SULF2: variants seen among roughly 807,000 people sequenced by gnomAD.
SULF2 encodes sulfatase 2.
A neutral mutation model predicts 107.7 loss-of-function variants in SULF2; 52 were observed. That is an observed-to-expected ratio of 0.48 (90% CI 0.39 to 0.61). The LOEUF is 0.61. Among genes scored for constraint, SULF2 ranks in the 20% least tolerant of loss-of-function variants. SULF2 has a pLI of 0.00. For missense variants in SULF2, 993 were observed against 1,177.3 expected (o/e 0.84, Z 2.29); for synonymous variants, 460 against 464.3 (o/e 0.99, Z 0.12).
chr20:47,689,795 C>A (rs1338578371), intron 5 of SULF2: 2 of 200,216 alleles, frequency 1.0e-5, no homozygotes, highest in Non-Finnish European at 2.0e-5. Context: ...ACTATAGACC[C>A]CCTCCTCAAA....
At chr20:47,713,970 A>T (rs545558913) in intron 3 of SULF2, among the ~76,000 whole-genome samples, 2 of 152,086 alleles carry the variant, frequency 1.3e-5, no homozygotes, top group African/African-American at 4.8e-5. Flanking sequence ...TTCATGCCGC[A>T]CAGTGAAGTC....
chr20:47,750,817 C>T (rs146775777), intron 2 of SULF2, among the ~76,000 whole-genome samples: 1,620 of 152,318 alleles, frequency 0.011, 59 homozygotes, highest in Admixed American at 0.075. Flanking sequence ...CTGCTGAGAC[C>T]GCATCTGCCT....
chr20:47,717,463 CG>C (rs1428186058), intron 3 of SULF2, among the ~76,000 whole-genome samples: 5 of 152,108 alleles, frequency 3.3e-5, no homozygotes, highest in African/African-American at 1.2e-4. Context: ...TTCCCATCCA[CG>C]GGGACGCAGA....
At chr20:47,663,395 A>G in intron 16 of SULF2, 58 bp downstream of exon 16, 3 of 1,598,760 alleles carry the variant, frequency 1.9e-6, no homozygotes, top group Non-Finnish European at 2.5e-6. Context: ...CACTAAGTGG[A>G]GAAGTTTCTT....
chr20:47,750,910 G>A lies in SULF2; in HGVS notation c.175+6279C>T, dbSNP rs1267523753. ...CTTGACTGGTTTCCTTACCTTCTTT[G>A]CTCAGATTTCCCCTTCCCAATGAGA... On this transcript the variant is annotated intron_variant, in intron 2 of 20. Transcript: ENST00000688720. Among the ~76,000 whole-genome samples the A allele has an allele frequency of 2.6e-5, 4 of 152,074 alleles. No individual in the cohort carries two copies. The South Asian group carries it at 6.2e-4, about 24-fold the overall frequency.
chr20:47,729,811 A>G (rs1442178148), intron 3 of SULF2, among the ~76,000 whole-genome samples: 1 of 152,106 alleles, frequency 6.6e-6, no homozygotes, highest in Non-Finnish European at 1.5e-5. Flanking sequence ...AGATCCAGAG[A>G]GTGGCAGGGA....
intron 14 of SULF2, among the ~76,000 whole-genome samples, chr20:47,664,423 T>C (rs1167548591): frequency 1.3e-5 from 2 of 152,246 alleles, no homozygotes; most frequent in East Asian, 1.9e-4. Flanking sequence ...TGCTAGACTT[T>C]AGCAGGTTGG....
chr20:47,761,451 AAACAC>A (rs1403564789), intron 1 of SULF2, among the ~76,000 whole-genome samples: 1 of 152,258 alleles, frequency 6.6e-6, no homozygotes, highest in Non-Finnish European at 1.5e-5. Context: ...TTTAAAATAA[AAACAC>A]AAACACATGT....
intron 16 of SULF2, 36 bp from the exon 17 acceptor site, chr20:47,663,248 CG>C: frequency 1.2e-6 from 2 of 1,611,464 alleles, no homozygotes; most frequent in Non-Finnish European, 1.7e-6. Flanking sequence ...TGAGTGCCTG[CG>C]GGAGGAGGCC....
At chr20:47,736,978 G>C in intron 2 of SULF2, 36 bp from the exon 3 acceptor site, 1 of 1,611,592 alleles carries the variant, frequency 6.2e-7, no homozygotes, top group Non-Finnish European at 8.5e-7. Flanking sequence ...CGCAGGGCAG[G>C]AGACCCGGGC....
chr20:47,772,510 G>A (rs1568929131), intron 1 of SULF2, among the ~76,000 whole-genome samples: 1 of 152,228 alleles, frequency 6.6e-6, no homozygotes, highest in Non-Finnish European at 1.5e-5. Context: ...TTGGGAGTAG[G>A]TCTCCTTGAA....
chr20:47,718,406 T>C (rs969336116), intron 3 of SULF2, among the ~76,000 whole-genome samples: 1 of 152,238 alleles, frequency 6.6e-6, no homozygotes, highest in Non-Finnish European at 1.5e-5. Context: ...GACTCCTGTG[T>C]GGCTGGGATG....
At chr20:47,712,693 C>A (rs529406573) in intron 3 of SULF2, among the ~76,000 whole-genome samples, 1 of 152,178 alleles carries the variant, frequency 6.6e-6, no homozygotes, top group Non-Finnish European at 1.5e-5. Flanking sequence ...AAGCGTCACA[C>A]CCCTCGCCCA....
At chr20:47,682,521 C>T (rs908020143) in intron 7 of SULF2, among the ~76,000 whole-genome samples, 3 of 152,194 alleles carry the variant, frequency 2.0e-5, no homozygotes, top group Admixed American at 6.5e-5. Flanking sequence ...CTGAGGGCTG[C>T]GGCCCACGTG....
chr20:47,780,729 T>C (rs2090816990), intron 1 of SULF2, among the ~76,000 whole-genome samples: 1 of 152,126 alleles, frequency 6.6e-6, no homozygotes, highest in African/African-American at 2.4e-5. Context: ...AATTTTTGTA[T>C]TTTTAGTAGA....
At chr20:47,723,350 G>A (rs1224253192) in intron 3 of SULF2, among the ~76,000 whole-genome samples, 1 of 152,210 alleles carries the variant, frequency 6.6e-6, no homozygotes, top group Non-Finnish European at 1.5e-5. Context: ...GAATGAGAGG[G>A]TTGAGGAGTA....
At position 47,680,932 on chromosome 20, in the gene SULF2, T is replaced by C. The variant is rs2087805203; in HGVS notation, c.1064+2062A>G. Among the ~76,000 whole-genome samples, 1 of 152,242 alleles carries C rather than the reference T, an allele frequency of 6.6e-6. No homozygotes were observed. The highest frequency in any genetic ancestry group is 6.5e-5 in the Admixed American group (1 of 15,282). On this transcript the variant is annotated intron_variant, in intron 7 of 20. Transcript: ENST00000688720. This position sits in a 1 kb window ranked among gnomAD's most constrained non-coding sequence, Gnocchi z 4.2. ...CCCATTCAGAGTCCCCTGCCCAATG[T>C]ACTCAGCCTGGTTACTCAAGGGTTT...
At chr20:47,672,545 C>T in intron 10 of SULF2, 152 bp from the exon 11 acceptor site, 1 of 1,418,524 alleles carries the variant, frequency 7.0e-7, no homozygotes, top group Non-Finnish European at 9.2e-7. Flanking sequence ...AATGCCGCTT[C>T]TCTCCACTGC....
chr20:47,729,287 G>A (rs1034980967), intron 3 of SULF2, among the ~76,000 whole-genome samples: 11 of 152,318 alleles, frequency 7.2e-5, no homozygotes, highest in African/African-American at 2.6e-4. Flanking sequence ...GGATCACTGG[G>A]ACCCTGAGGT....
Sources: allele counts gnomAD v4.1 joint callset (sites outside exome capture counted in the v4.1 genomes callset), GRCh38; gene constraint gnomAD v4.1.1; non-coding constraint Gnocchi (gnomAD v3.1); transcripts MANE v1.5; gene names NCBI Gene and HGNC (gene_info 2026-07-23, HGNC 2026-07-21).